The following SPOPL variants were observed in gnomAD, a reference collection of about 807,000 sequenced individuals.
SPOPL encodes speckle-type POZ protein-like.
In SPOPL, 23 loss-of-function variants were observed where a neutral mutation model predicts 53.8. The ratio of observed to expected loss-of-function variants is 0.43; its 90% CI spans 0.31 to 0.61. The LOEUF is 0.61. Ranked by LOEUF, SPOPL falls within the 20% of genes least tolerant of loss-of-function variation. The pLI, the probability that SPOPL is intolerant of heterozygous loss-of-function variation, is 0.12. For missense variants in SPOPL, 442 were observed against 466.9 expected, an observed-to-expected ratio of 0.95 and a Z score of 0.49; for synonymous variants, 164 against 149.7, an observed-to-expected ratio of 1.10 and a Z score of -0.70.
intron 1 of SPOPL, among the ~76,000 whole-genome samples, chr2:138,547,269 G>T (rs1301160881): frequency 3.9e-5 from 6 of 152,040 alleles, no homozygotes; most frequent in Non-Finnish European, 8.8e-5. Flanking sequence ...CCTGACTGTA[G>T]TTTGCTTTTA....
chr2:138,573,148 A>T lies in SPOPL; in HGVS notation c.*4068A>T, dbSNP rs549901592. 205 of 152,292 alleles carry T rather than the reference A, an allele frequency of 1.3e-3. No homozygotes were observed. The highest frequency in any genetic ancestry group is 4.9e-3 in the African/African-American group (202 of 41,566). 9.4% of individuals were successfully genotyped at this position (152,292 alleles called of 1,614,324 possible). On this transcript the variant is annotated 3_prime_UTR_variant, in exon 11 of 11. Coordinates refer to ENST00000280098, the MANE Select transcript of SPOPL (RefSeq NM_001001664.3). ...TTAGCTGATGTTAATGATAAGATAC[A>T]TAATACATGTATCTTGTTGCTGAAA...
At position 138,550,110 on chromosome 2, in the gene SPOPL, G is replaced by T. The variant is rs191762642; in HGVS notation, c.-60-47G>T. On this transcript the variant is annotated intron_variant, in intron 1 of 10. Transcript: ENST00000280098. ...TAAATATGTCTTCCCTCTTGATTCT[G>T]TCGTTTAAACTTTTTAATCAGTACA... is the stretch of plus-strand genomic sequence containing the variant. The T allele has an allele frequency of 8.7e-4, 771 of 887,410 alleles. 2 individuals are homozygous for T. Among genetic ancestry groups the T allele is most frequent in the Non-Finnish European group, 1.1e-3 (611 of 559,156 alleles). The allele number at this position is 887,410 out of a possible 1,614,324, so 55.0% of individuals were successfully genotyped here.
chr2:138,514,936 T>C (rs1219186610), intron 1 of SPOPL, among the ~76,000 whole-genome samples: 1 of 152,074 alleles, frequency 6.6e-6, no homozygotes, highest in Non-Finnish European at 1.5e-5. Context: ...GGGTAGGCTA[T>C]TTTCTCAAAA....
chr2:138,538,248 T>C (rs1234437797), intron 1 of SPOPL, among the ~76,000 whole-genome samples: 3 of 152,286 alleles, frequency 2.0e-5, no homozygotes, highest in Admixed American at 6.5e-5. Flanking sequence ...TGTTCAAGTC[T>C]TCTATCTCTT....
chr2:138,546,907 G>T (rs1024712706), intron 1 of SPOPL, among the ~76,000 whole-genome samples: 1 of 152,174 alleles, frequency 6.6e-6, no homozygotes, highest in African/African-American at 2.4e-5. Context: ...TTGAAGTAAA[G>T]CTGGAGAGAA....
chr2:138,550,821 C>CTCTTTG, intron 3 of SPOPL, 82 bp from the exon 4 acceptor site: 1 of 865,394 alleles, frequency 1.2e-6, no homozygotes, highest in Non-Finnish European at 1.7e-6. Flanking sequence ...TGTTCTCTCT[C>CTCTTTG]TCTCTTTCTC....
chr2:138,533,263 G>A (rs1053700358), intron 1 of SPOPL, among the ~76,000 whole-genome samples: 1 of 152,128 alleles, frequency 6.6e-6, no homozygotes, highest in African/African-American at 2.4e-5. Context: ...TGTTATTAAA[G>A]TCTATGCTAT....
At chr2:138,517,761 C>A (rs12616717) in intron 1 of SPOPL, among the ~76,000 whole-genome samples, 1 of 148,182 alleles carries the variant, frequency 6.7e-6, no homozygotes, top group East Asian at 2.0e-4. Flanking sequence ...AAAATCTGAC[C>A]TAGGCCAGGG....
intron 1 of SPOPL, among the ~76,000 whole-genome samples, chr2:138,543,711 G>A (rs1015636903): frequency 8.7e-5 from 13 of 149,864 alleles, no homozygotes; most frequent in Non-Finnish European, 1.0e-4. Context: ...TAGTTTGATC[G>A]TCTGAAGCCT....
At position 138,557,431 on chromosome 2, in the gene SPOPL, A is replaced by G. The variant is rs182897242; in HGVS notation, c.481-1591A>G. On this transcript the variant is annotated intron_variant, in intron 5 of 10. Coordinates refer to ENST00000280098, the MANE Select transcript of SPOPL (RefSeq NM_001001664.3). ...AAGTGTGTATTCATTCACATGAGAT[A>G]TATGTTTGTATGTCTGGATGTATTG... Among the ~76,000 whole-genome samples the G allele has an allele frequency of 5.5e-3, 834 of 152,344 alleles. 8 individuals are homozygous for G. The highest frequency in any genetic ancestry group is 0.019 in the African/African-American group (803 of 41,582).
chr2:138,532,543 C>G (rs1338795662), intron 1 of SPOPL, among the ~76,000 whole-genome samples: 2 of 146,462 alleles, frequency 1.4e-5, no homozygotes, highest in Admixed American at 1.4e-4. Context: ...TCTCCTGCAT[C>G]AGCCTCCCGA....
At chr2:138,510,759 G>T (rs1166674617) in intron 1 of SPOPL, among the ~76,000 whole-genome samples, 1 of 152,016 alleles carries the variant, frequency 6.6e-6, no homozygotes, top group Non-Finnish European at 1.5e-5. Flanking sequence ...CTGTCATTTG[G>T]ATATATTTTT....
chr2:138,505,637 TGGTG>T (rs924221115), intron 1 of SPOPL, among the ~76,000 whole-genome samples: 2 of 143,176 alleles, frequency 1.4e-5, no homozygotes, highest in Non-Finnish European at 3.0e-5. Flanking sequence ...TAGTTGGGTG[TGGTG>T]GCACACACCT....
At chr2:138,502,391 T>A (rs1471777166) in intron 1 of SPOPL, among the ~76,000 whole-genome samples, 3 of 152,168 alleles carry the variant, frequency 2.0e-5, no homozygotes, top group Non-Finnish European at 4.4e-5. Context: ...CCTTCCAGGA[T>A]CCCCTTTAGT....
intron 4 of SPOPL, 59 bp downstream of exon 4, chr2:138,551,113 T>C: frequency 6.4e-7 from 1 of 1,573,312 alleles, no homozygotes; most frequent in Non-Finnish European, 8.6e-7. Flanking sequence ...TATGACTTCT[T>C]CTGCACCTTT....
intron 10 of SPOPL, 76 bp downstream of exon 10, chr2:138,565,069 T>C (rs1188037834): frequency 3.9e-6 from 6 of 1,542,926 alleles, no homozygotes; most frequent in Non-Finnish European, 5.3e-6. Context: ...CTTTTGTTCA[T>C]CTACAATAAG....
chr2:138,511,001 A>G (rs141818637), intron 1 of SPOPL, among the ~76,000 whole-genome samples: 4 of 152,344 alleles, frequency 2.6e-5, no homozygotes, highest in African/African-American at 2.4e-5. Flanking sequence ...GAAAAGCTCA[A>G]GTGGGGCATG....
intron 1 of SPOPL, among the ~76,000 whole-genome samples, chr2:138,535,473 C>G (rs535070448): frequency 6.6e-6 from 1 of 150,912 alleles, no homozygotes; most frequent in Non-Finnish European, 1.5e-5. Flanking sequence ...AAGCAATGTC[C>G]AAGGATTCCA....
Position 138,569,079 on chromosome 2 carries a change from G to C in SPOPL, c.1178G>C (p.Ter393SerextTer4). The C allele has an allele frequency of 6.2e-7, 1 of 1,612,284 alleles. No individual in the cohort carries two copies. Among genetic ancestry groups the C allele is most frequent in the Non-Finnish European group, 8.5e-7 (1 of 1,179,580 alleles). Residue 393 changes from the stop codon to serine (S), a stop_lost, in exon 11 of 11, where the codon TGA becomes TCA. Coordinates refer to ENST00000280098, the MANE Select transcript of SPOPL (RefSeq NM_001001664.3). ...CCACGCAAACGGCTAAAACAGTCCTGAAATCTTCCATGAACAGTTGAAAAA... is the reference window on the plus strand; with the variant it reads ...CCACGCAAACGGCTAAAACAGTCCTCAAATCTTCCATGAACAGTTGAAAAA... ...GIPRKRLKQS[*>S] is the part of the protein sequence containing the mutation.
Sources: gnomAD v4.1 joint callset for allele counts (sites outside exome capture counted in the v4.1 genomes callset) on GRCh38, gnomAD v4.1.1 for gene constraint, MANE v1.5 for transcripts, NCBI Gene and HGNC (gene_info 2026-07-23, HGNC 2026-07-21) for gene names.